AGBL4: variants seen among roughly 807,000 people sequenced by gnomAD.
AGBL4 encodes cytosolic carboxypeptidase 6.
A neutral mutation model predicts 66.4 loss-of-function variants in AGBL4; 58 were observed. That is an observed-to-expected ratio of 0.87 (90% CI 0.71 to 1.09). The LOEUF (loss-of-function observed/expected upper bound fraction) is 1.09. Among genes scored for constraint, AGBL4 ranks in the 50% least tolerant of loss-of-function variants. The probability of loss-of-function intolerance (pLI) is 0.00; values close to 1 mark genes in which losing one functional copy is unlikely to be tolerated. For missense variants in AGBL4, 579 were observed against 631.0 expected, an observed-to-expected ratio of 0.92 and a Z score of 0.88; for synonymous variants, 234 against 222.9, an observed-to-expected ratio of 1.05 and a Z score of -0.44.
chr1:49,118,384 A>T (rs979779333), intron 4 of AGBL4, among the ~76,000 whole-genome samples: 1 of 152,346 alleles, frequency 6.6e-6, no homozygotes. Flanking sequence ...AATTTGAGAT[A>T]CATTCCATCA....
At chr1:50,011,548 A>G (rs1010849289) in intron 1 of AGBL4, among the ~76,000 whole-genome samples, 4 of 152,246 alleles carry the variant, frequency 2.6e-5, no homozygotes, top group Admixed American at 2.6e-4. Context: ...ACCAAAAGAA[A>G]GGAAATCAGT....
Position 49,170,000 on chromosome 1 carries a change from G to A in AGBL4, c.377+75770C>T, listed in dbSNP as rs561197586. 4.6e-5 allele frequency among the ~76,000 whole-genome samples: 7 copies of A among 152,018 alleles called. No homozygotes were observed. In the East Asian group the frequency reaches 1.2e-3, roughly 25 times the overall value. ...CTCAGAAGGGGGAAGAGCAGGAGGG[G>A]AGTGAGGGATTAAAAAAGTACAAAT... On this transcript the variant is annotated intron_variant, in intron 4 of 13. Transcript: ENST00000371839.
At chr1:48,613,523 G>A (rs1029410343) in intron 9 of AGBL4, among the ~76,000 whole-genome samples, 3 of 152,212 alleles carry the variant, frequency 2.0e-5, no homozygotes. Flanking sequence ...TCTAAGAAGA[G>A]TATATATACC....
rs554851445 is a variant in AGBL4 at position 49,618,016 on chromosome 1, C to T, written c.282+79297G>A. Among the ~76,000 whole-genome samples the T allele has an allele frequency of 1.6e-4, 25 of 152,278 alleles. 1 individual carries two copies. The South Asian group carries it at 5.2e-3, about 32-fold the overall frequency. On this transcript the variant is annotated intron_variant, in intron 3 of 13. Transcript: ENST00000371839. ...CTATCCCTCCCCCAGCCTCCCAACA[C>T]CCGACACGCCCTGGTGTGTGATGTT...
chr1:49,658,397 T>G (rs1160002029), intron 3 of AGBL4, among the ~76,000 whole-genome samples: 6 of 152,220 alleles, frequency 3.9e-5, no homozygotes, highest in South Asian at 4.1e-4. Context: ...GGAACACTTT[T>G]ACACTGTTGG....
chr1:48,681,688 TAAC>T (rs1646457445), intron 6 of AGBL4, among the ~76,000 whole-genome samples: 1 of 152,212 alleles, frequency 6.6e-6, no homozygotes, highest in Non-Finnish European at 1.5e-5. Context: ...CCAGGTCTCT[TAAC>T]AATCCCAAAA....
intron 4 of AGBL4, among the ~76,000 whole-genome samples, chr1:49,212,738 T>A (rs773304277): frequency 3.6e-4 from 54 of 152,088 alleles, no homozygotes; most frequent in South Asian, 1.2e-3. Flanking sequence ...GAGGTAACAA[T>A]TAAGTTATTT....
intron 6 of AGBL4, among the ~76,000 whole-genome samples, chr1:48,667,132 T>C (rs892985149): frequency 2.3e-4 from 35 of 152,242 alleles, no homozygotes; most frequent in African/African-American, 8.0e-4. Flanking sequence ...AAATTCTTTG[T>C]TCATTTCCGC....
At chr1:48,617,198 A>G (rs1397732313) in intron 9 of AGBL4, among the ~76,000 whole-genome samples, 1 of 152,216 alleles carries the variant, frequency 6.6e-6, no homozygotes, top group African/African-American at 2.4e-5. Flanking sequence ...TGACTGTGAC[A>G]ACACTAATAT....
At chr1:48,962,470 G>A (rs1658081062) in intron 5 of AGBL4, among the ~76,000 whole-genome samples, 1 of 152,140 alleles carries the variant, frequency 6.6e-6, no homozygotes, top group Non-Finnish European at 1.5e-5. Flanking sequence ...ACAGGGACAC[G>A]GGAATCAATA....
intron 5 of AGBL4, among the ~76,000 whole-genome samples, chr1:48,941,220 T>A (rs1655945120): frequency 6.6e-6 from 1 of 152,114 alleles, no homozygotes; most frequent in Non-Finnish European, 1.5e-5. Flanking sequence ...TAGCTCTGAG[T>A]GTGTGAATCA....
chr1:49,440,091 A>G (rs1645993292), intron 3 of AGBL4, among the ~76,000 whole-genome samples: 1 of 132,430 alleles, frequency 7.6e-6, no homozygotes, highest in Non-Finnish European at 1.6e-5. Context: ...TTTTTTTGAG[A>G]CAGAGTCTTG....
chr1:49,731,537 G>A (rs894529453), intron 2 of AGBL4, among the ~76,000 whole-genome samples: 14 of 152,054 alleles, frequency 9.2e-5, no homozygotes, highest in East Asian at 1.9e-4. Flanking sequence ...TTTTAAATAC[G>A]TTAAATCTCA....
chr1:49,921,867 C>T (rs1000149517), intron 1 of AGBL4, among the ~76,000 whole-genome samples: 4 of 152,054 alleles, frequency 2.6e-5, no homozygotes, highest in African/African-American at 9.7e-5. Context: ...GAGGGTGGGT[C>T]CTCTCCCTCC....
intron 4 of AGBL4, among the ~76,000 whole-genome samples, chr1:49,207,939 C>T (rs943982972): frequency 3.3e-5 from 5 of 151,952 alleles, no homozygotes; most frequent in African/African-American, 1.2e-4. Context: ...TTGTCTTTCA[C>T]TCTATATTAT....
chr1:48,990,426 T>C (rs1660515604), intron 5 of AGBL4, among the ~76,000 whole-genome samples: 1 of 152,110 alleles, frequency 6.6e-6, no homozygotes, highest in Non-Finnish European at 1.5e-5. Context: ...TTTGGTTGCT[T>C]GTGCTTGCGG....
intron 5 of AGBL4, among the ~76,000 whole-genome samples, chr1:49,039,819 T>A (rs1350515823): frequency 6.6e-6 from 1 of 152,046 alleles, no homozygotes; most frequent in Non-Finnish European, 1.5e-5. Context: ...CCACAGCATA[T>A]GTCTTCTGGA....
intron 3 of AGBL4, among the ~76,000 whole-genome samples, chr1:49,381,223 C>T (rs531343870): frequency 1.3e-5 from 2 of 152,270 alleles, no homozygotes; most frequent in African/African-American, 4.8e-5. Flanking sequence ...GACATTTATG[C>T]AGCCAAAAAA....
At chr1:49,540,084 T>C (rs951207227) in intron 3 of AGBL4, among the ~76,000 whole-genome samples, 2 of 152,202 alleles carry the variant, frequency 1.3e-5, no homozygotes, top group African/African-American at 4.8e-5. Context: ...AACCACATTA[T>C]AAGAAAAATT....
Sources: gnomAD v4.1 joint callset for allele counts (sites outside exome capture counted in the v4.1 genomes callset) on GRCh38, gnomAD v4.1.1 for gene constraint, MANE v1.5 for transcripts, NCBI Gene and HGNC (gene_info 2026-07-23, HGNC 2026-07-21) for gene names.